Variants in SLC8A1 observed in about 807,000 individuals in gnomAD.
The protein encoded by SLC8A1 is sodium/calcium exchanger 1.
In SLC8A1, 18 loss-of-function variants were observed where a neutral mutation model predicts 68.3. The ratio of observed to expected loss-of-function variants is 0.26; its 90% confidence interval spans 0.18 to 0.39. The LOEUF (loss-of-function observed/expected upper bound fraction) is 0.39, where lower values mean the gene tolerates loss of function less well. Among genes scored for constraint, SLC8A1 ranks in the 10% least tolerant of loss-of-function variants. The probability of loss-of-function intolerance (pLI) is 1.00; values close to 1 mark genes in which losing one functional copy is unlikely to be tolerated. For missense variants in SLC8A1, 985 were observed against 1,156.7 expected (o/e 0.85, Z 2.15); for synonymous variants, 475 against 415.5 (o/e 1.14, Z -1.74).
intron 1 of SLC8A1, among the ~76,000 whole-genome samples, chr2:40,443,605 A>C (rs1700907716): frequency 6.6e-6 from 1 of 152,212 alleles, no homozygotes; most frequent in African/African-American, 2.4e-5. Flanking sequence ...CTCTGAGGTC[A>C]GAGCCATGCA....
intron 2 of SLC8A1, chr2:40,255,241 C>G (rs533105661): frequency 4.6e-5 from 7 of 152,180 alleles, no homozygotes; most frequent in African/African-American, 1.5e-4. Flanking sequence ...TCCCCCACCC[C>G]CCATGGTGGA....
intron 6 of SLC8A1, among the ~76,000 whole-genome samples, chr2:40,141,419 T>G (rs959850776): frequency 6.6e-6 from 1 of 152,212 alleles, no homozygotes; most frequent in African/African-American, 2.4e-5. Context: ...TGGTTGGAAT[T>G]ATATGAATAC....
At chr2:40,279,458 A>C (rs2067207094) in intron 2 of SLC8A1, among the ~76,000 whole-genome samples, 1 of 152,226 alleles carries the variant, frequency 6.6e-6, no homozygotes, top group Non-Finnish European at 1.5e-5. Context: ...CTTTAGTATA[A>C]GGAGAAGTGA....
intron 6 of SLC8A1, among the ~76,000 whole-genome samples, chr2:40,147,233 A>C (rs761888386): frequency 2.7e-5 from 2 of 74,622 alleles, no homozygotes; most frequent in Non-Finnish European, 5.7e-5. Flanking sequence ...TCTTGTTCCT[A>C]AAAAAAAATC....
At chr2:40,169,391 G>A (rs989236624) in intron 4 of SLC8A1, among the ~76,000 whole-genome samples, 21 of 152,160 alleles carry the variant, frequency 1.4e-4, no homozygotes, top group African/African-American at 5.1e-4. Context: ...ACAATTTTTA[G>A]CATGTGGCTG....
upstream of SLC8A1, among the ~76,000 whole-genome samples, chr2:40,452,348 G>T: frequency 6.6e-6 from 1 of 152,012 alleles, no homozygotes; most frequent in Non-Finnish European, 1.5e-5. Flanking sequence ...GAGCGGGTGG[G>T]GAGCCCTTCC....
chr2:40,351,798 A>G (rs564585712), intron 2 of SLC8A1, among the ~76,000 whole-genome samples: 1 of 152,286 alleles, frequency 6.6e-6, no homozygotes, highest in East Asian at 1.9e-4. Flanking sequence ...GAGGTTGTAG[A>G]GATGGTAGGA....
intron 2 of SLC8A1, among the ~76,000 whole-genome samples, chr2:40,383,778 C>T (rs369509190): frequency 2.0e-5 from 3 of 152,208 alleles, no homozygotes; most frequent in South Asian, 4.1e-4. Context: ...ACAGAAGTCA[C>T]AGACTGTGGT....
intron 6 of SLC8A1, among the ~76,000 whole-genome samples, chr2:40,155,836 G>C (rs72792718): frequency 0.016 from 2,383 of 152,216 alleles, 28 homozygotes; most frequent in Middle Eastern, 0.051. Flanking sequence ...GCTGGAACTG[G>C]GTCACTTTAA....
chr2:40,305,383 C>G (rs1490364937), intron 2 of SLC8A1, among the ~76,000 whole-genome samples: 1 of 152,172 alleles, frequency 6.6e-6, no homozygotes, highest in Non-Finnish European at 1.5e-5. Flanking sequence ...CCTCTACCCA[C>G]TAGGTATCAA....
intron 7 of SLC8A1, chr2:40,118,588 C>G (rs969834696): frequency 2.3e-5 from 2 of 88,736 alleles, no homozygotes; most frequent in Non-Finnish European, 4.5e-5. Context: ...GCAGCAGCCT[C>G]AAAAAGAAAA....
chr2:40,428,879 G>C, exon 2 of SLC8A1: 2 of 1,613,650 alleles, frequency 1.2e-6, no homozygotes, highest in Non-Finnish European at 1.7e-6. Flanking sequence ...GTATCACCAG[G>C]CTTAAACACC....
chr2:40,437,159 G>A (rs1056110672), intron 1 of SLC8A1, among the ~76,000 whole-genome samples: 1 of 152,140 alleles, frequency 6.6e-6, no homozygotes, highest in Non-Finnish European at 1.5e-5. Context: ...TTTAATTCAG[G>A]CATTTTGCAT....
At chr2:40,221,872 A>G (rs2058372378) in intron 2 of SLC8A1, among the ~76,000 whole-genome samples, 1 of 152,234 alleles carries the variant, frequency 6.6e-6, no homozygotes, top group Non-Finnish European at 1.5e-5. Context: ...ATAAGAGAGG[A>G]CACAAACAAA....
chr2:40,365,000 A>T (rs935381868), intron 2 of SLC8A1, among the ~76,000 whole-genome samples: 2 of 152,064 alleles, frequency 1.3e-5, no homozygotes, highest in African/African-American at 4.8e-5. Flanking sequence ...CAAGTAAAGA[A>T]CTGAGTTATT....
At chr2:40,119,151 A>G (rs1003270618) in intron 7 of SLC8A1, among the ~76,000 whole-genome samples, 2 of 152,302 alleles carry the variant, frequency 1.3e-5, no homozygotes, top group Non-Finnish European at 2.9e-5. Context: ...TCTTACTTGT[A>G]ATAATAATAG....
At chr2:40,326,741 T>C (rs1427564422) in intron 2 of SLC8A1, among the ~76,000 whole-genome samples, 3 of 152,198 alleles carry the variant, frequency 2.0e-5, no homozygotes, top group Non-Finnish European at 4.4e-5. Flanking sequence ...TAGTAATGAC[T>C]TGCATATTTA....
intron 6 of SLC8A1, among the ~76,000 whole-genome samples, chr2:40,151,234 C>G (rs144463899): frequency 6.6e-6 from 1 of 151,918 alleles, no homozygotes; most frequent in Admixed American, 6.6e-5. Context: ...ACAAATGTCT[C>G]AAACTCCTTT....
intron 3 of SLC8A1, among the ~76,000 whole-genome samples, chr2:40,176,910 C>G (rs1230288522): frequency 1.3e-5 from 2 of 152,060 alleles, no homozygotes; most frequent in Admixed American, 1.3e-4. Context: ...TTATATGAAG[C>G]CCTATGAACA....
Sources: gnomAD v4.1 joint callset for allele counts (sites outside exome capture counted in the v4.1 genomes callset) on GRCh38, gnomAD v4.1.1 for gene constraint, MANE v1.5 for transcripts, NCBI Gene and HGNC (gene_info 2026-07-23, HGNC 2026-07-21) for gene names.